RBFOX1: variants seen among roughly 807,000 people sequenced by gnomAD.
RBFOX1 encodes the protein RNA binding protein fox-1 homolog 1.
Under a neutral mutation model 57.7 loss-of-function variants are expected in RBFOX1, and 8 were observed. That is an observed-to-expected ratio of 0.14 (90% CI 0.08 to 0.25). The LOEUF is 0.25. RBFOX1 is among the 10% of genes least tolerant of loss of function. RBFOX1 has a pLI of 1.00. For missense variants in RBFOX1, 611 were observed against 548.5 expected (o/e 1.11, Z -1.14); for synonymous variants, 326 against 222.4 (o/e 1.47, Z -4.15).
At chr16:6,915,111 C>A (rs141029037) in intron 3 of RBFOX1, among the ~76,000 whole-genome samples, 1 of 152,290 alleles carries the variant, frequency 6.6e-6, no homozygotes, top group Non-Finnish European at 1.5e-5. Context: ...GGCCTGCGGT[C>A]CTCCAGCTAA....
chr16:5,646,292 T>C (rs1034841181), intron 3 of RBFOX1, among the ~76,000 whole-genome samples: 3 of 151,554 alleles, frequency 2.0e-5, no homozygotes, highest in Non-Finnish European at 4.4e-5. Flanking sequence ...CCCAAAGTGC[T>C]GGGATTATAG....
At chr16:6,352,718 T>C (rs968747883) in intron 2 of RBFOX1, among the ~76,000 whole-genome samples, 3 of 152,256 alleles carry the variant, frequency 2.0e-5, no homozygotes, top group Admixed American at 6.5e-5. Flanking sequence ...ATTTATCATA[T>C]TGAAGCAGCT....
intron 1 of RBFOX1, among the ~76,000 whole-genome samples, chr16:6,020,786 C>T (rs1250801025): frequency 6.6e-6 from 1 of 152,090 alleles, no homozygotes; most frequent in African/African-American, 2.4e-5. Context: ...CATCTCCCCA[C>T]CGCCCAGGAG....
At position 7,193,186 on chromosome 16, in the gene RBFOX1, A is replaced by T. The variant is rs114042760; in HGVS notation, c.27+141088A>T. 6.3e-3 allele frequency among the ~76,000 whole-genome samples: 954 copies of T among 152,312 alleles called. 16 individuals carry two copies. Among genetic ancestry groups the T allele is most frequent in the African/African-American group, 0.022 (910 of 41,560 alleles). On this transcript the variant is annotated intron_variant, in intron 4 of 15. Coordinates refer to ENST00000550418, the MANE Select transcript of RBFOX1 (RefSeq NM_018723.4). ...CAATAGGATTACATAGGGTTGTTAT[A>T]AGTGAAGAGGGAGGCAGAAGAGAGA... is the stretch of plus-strand genomic sequence containing the variant.
chr16:6,805,705 C>T (rs1277245309), intron 3 of RBFOX1, among the ~76,000 whole-genome samples: 4 of 149,780 alleles, frequency 2.7e-5, no homozygotes, highest in African/African-American at 1.0e-4. Context: ...CCATCTTGTC[C>T]ATTCTGCATG....
At chr16:7,459,213 G>A (rs1336582429) in intron 4 of RBFOX1, among the ~76,000 whole-genome samples, 1 of 152,078 alleles carries the variant, frequency 6.6e-6, no homozygotes, top group Non-Finnish European at 1.5e-5. Context: ...TTTGGCCTTG[G>A]GTTTTAACAT....
rs1318801895 is a variant in RBFOX1 at position 7,626,239 on chromosome 16, C to G, written c.677-4364C>G. 5.9e-5 allele frequency among the ~76,000 whole-genome samples: 9 copies of G among 152,232 alleles called. No individual in the cohort carries two copies. The East Asian group carries it at 1.5e-3, about 26-fold the overall frequency. ...GAGTAAACAGTTTTCGACACTTCCTCCTTCCTGTCTGTGATGGGAAACATC... is the reference window on the plus strand; with the variant it reads ...GAGTAAACAGTTTTCGACACTTCCTGCTTCCTGTCTGTGATGGGAAACATC... On this transcript the variant is annotated intron_variant, in intron 10 of 15. Transcript: ENST00000550418.
chr16:6,468,770 A>G (rs1423644552), intron 2 of RBFOX1, among the ~76,000 whole-genome samples: 1 of 151,602 alleles, frequency 6.6e-6, no homozygotes, highest in Non-Finnish European at 1.5e-5. Context: ...TTTTATTTCT[A>G]ATTTTATTTT....
At chr16:6,441,109 A>G (rs573076995) in intron 2 of RBFOX1, among the ~76,000 whole-genome samples, 338 of 152,288 alleles carry the variant, frequency 2.2e-3, no homozygotes, top group Non-Finnish European at 4.0e-3. Context: ...CAGTGAGCCC[A>G]GTGCCGTTGC....
chr16:7,530,385 G>A (rs891222627), intron 5 of RBFOX1, among the ~76,000 whole-genome samples: 2 of 151,992 alleles, frequency 1.3e-5, no homozygotes, highest in Admixed American at 1.3e-4. Context: ...ACTGCCTTTA[G>A]AAGCACGCTG....
At chr16:7,054,033 A>AGT (rs1002050219) in intron 4 of RBFOX1, among the ~76,000 whole-genome samples, 2 of 151,746 alleles carry the variant, frequency 1.3e-5, no homozygotes, top group African/African-American at 4.8e-5. Flanking sequence ...AGTGTGATTA[A>AGT]GTACTGGTAG....
intron 1 of RBFOX1, among the ~76,000 whole-genome samples, chr16:5,273,337 T>G (rs1279346235): frequency 6.6e-6 from 1 of 151,786 alleles, no homozygotes; most frequent in East Asian, 1.9e-4. Context: ...CTACTATGTG[T>G]CAGTCTTTAG....
intron 3 of RBFOX1, among the ~76,000 whole-genome samples, chr16:5,645,237 G>A (rs2049011242): frequency 6.8e-6 from 1 of 148,140 alleles, no homozygotes; most frequent in Admixed American, 6.9e-5. Context: ...CAGCAAAAAT[G>A]AAGTTCCATC....
At position 6,710,379 on chromosome 16, in the gene RBFOX1, C is replaced by G. The variant is rs118119523; in HGVS notation, c.-16+55729C>G. 3.4e-4 allele frequency among the ~76,000 whole-genome samples: 51 copies of G among 152,158 alleles called. No homozygotes were observed. In the East Asian group the frequency reaches 9.7e-3, roughly 29 times the overall value. On this transcript the variant is annotated intron_variant, in intron 3 of 15. Transcript: ENST00000550418. ...AATGCATTTTATTTAACCCAAATAT[C>G]CAAAGCATGATCATTTCAGCGTGTG...
intron 2 of RBFOX1, among the ~76,000 whole-genome samples, chr16:6,543,062 A>G (rs956030307): frequency 8.5e-5 from 13 of 152,132 alleles, no homozygotes; most frequent in African/African-American, 2.4e-4. Context: ...ATCCAAGCCA[A>G]TTTTGATCAA....
intron 4 of RBFOX1, among the ~76,000 whole-genome samples, chr16:5,995,696 A>G (rs2060478198): frequency 6.6e-6 from 1 of 152,296 alleles, no homozygotes; most frequent in South Asian, 2.1e-4. Flanking sequence ...AGCTTGGTGG[A>G]AAATCTTTGA....
rs199786242 is a variant in RBFOX1, at chr16:7,292,635, T to A, written c.28-225512T>A. Among the ~76,000 whole-genome samples the A allele has an allele frequency of 1.1e-4, 16 of 151,654 alleles. No homozygotes were observed. The East Asian group carries it at 3.1e-3, about 29-fold the overall frequency. ...AGAGACCTAACAAAGCACGAAGTGA[T>A]GCCAAGCGAGAGTTTTTTGTCTATG... On this transcript the variant is annotated intron_variant, in intron 4 of 15. Transcript: ENST00000550418.
intron 3 of RBFOX1, among the ~76,000 whole-genome samples, chr16:6,897,640 A>C (rs1036020439): frequency 1.3e-5 from 2 of 151,988 alleles, no homozygotes; most frequent in Non-Finnish European, 2.9e-5. Context: ...AAAACAAAAA[A>C]AAATTAGCTG....
intron 4 of RBFOX1, among the ~76,000 whole-genome samples, chr16:7,197,806 G>A (rs1224284917): frequency 6.6e-6 from 1 of 152,006 alleles, no homozygotes; most frequent in Admixed American, 6.5e-5. Flanking sequence ...GCTAAGGGAA[G>A]GAACCAGACA....
Sources: gnomAD v4.1 joint callset for allele counts (sites outside exome capture counted in the v4.1 genomes callset) on GRCh38, gnomAD v4.1.1 for gene constraint, MANE v1.5 for transcripts, NCBI Gene and HGNC (gene_info 2026-07-23, HGNC 2026-07-21) for gene names.